Variants in SYN2 observed in about 807,000 individuals in gnomAD.
SYN2 encodes synapsin II.
A neutral mutation model predicts 50.9 loss-of-function variants in SYN2; 19 were observed. The ratio of observed to expected loss-of-function variants is 0.37; its 90% CI spans 0.26 to 0.55. The LOEUF (loss-of-function observed/expected upper bound fraction) is 0.55. Among genes scored for constraint, SYN2 ranks in the 20% least tolerant of loss-of-function variants. The pLI is 0.81. For missense variants in SYN2, 587 were observed against 576.4 expected (o/e 1.02, Z -0.19); for synonymous variants, 255 against 224.9 (o/e 1.13, Z -1.20).
intron 1 of SYN2, among the ~76,000 whole-genome samples, chr3:12,114,893 C>T (rs988048181): frequency 2.6e-5 from 4 of 152,144 alleles, no homozygotes; most frequent in African/African-American, 9.7e-5. Flanking sequence ...AACATGAGAG[C>T]TTTCTATTAA....
intron 5 of SYN2, among the ~76,000 whole-genome samples, chr3:12,151,915 G>T (rs1697307795): frequency 6.6e-6 from 1 of 152,164 alleles, no homozygotes; most frequent in Admixed American, 6.5e-5. Context: ...AAGTCAGAAG[G>T]AGCAGAGAGA....
At chr3:12,176,633 C>T (rs1698075793) in intron 10 of SYN2, among the ~76,000 whole-genome samples, 1 of 152,214 alleles carries the variant, frequency 6.6e-6, no homozygotes, top group African/African-American at 2.4e-5. Context: ...CTGAGGGTCA[C>T]AGTATAACAA....
chr3:12,171,420 A>G (rs1574883629), intron 10 of SYN2, among the ~76,000 whole-genome samples: 1 of 152,172 alleles, frequency 6.6e-6, no homozygotes, highest in African/African-American at 2.4e-5. Flanking sequence ...CTGCTCTAGC[A>G]GAAGAGTGAC....
intron 1 of SYN2, among the ~76,000 whole-genome samples, chr3:12,006,821 A>G (rs1323995160): frequency 6.6e-6 from 1 of 152,252 alleles, no homozygotes; most frequent in Non-Finnish European, 1.5e-5. Flanking sequence ...TCAGGCAGTC[A>G]ACAAATGGAG....
At chr3:12,039,939 G>A (rs1454552228) in intron 1 of SYN2, among the ~76,000 whole-genome samples, 1 of 152,188 alleles carries the variant, frequency 6.6e-6, no homozygotes. Flanking sequence ...AAGTTGTACA[G>A]TGAGGTTCTG....
intron 5 of SYN2, among the ~76,000 whole-genome samples, chr3:12,160,764 C>T (rs1052722259): frequency 2.0e-5 from 3 of 152,254 alleles, no homozygotes; most frequent in South Asian, 2.1e-4. Flanking sequence ...TAGCCCAGTG[C>T]TCCTTCCACT....
intron 5 of SYN2, among the ~76,000 whole-genome samples, chr3:12,160,028 G>A (rs924235944): frequency 5.0e-5 from 6 of 119,920 alleles, no homozygotes; most frequent in Non-Finnish European, 9.7e-5. Flanking sequence ...GGGCGACAGA[G>A]TGAGACTCCG....
intron 10 of SYN2, 105 bp from the exon 11 acceptor site, chr3:12,183,207 G>C: frequency 6.9e-7 from 1 of 1,447,924 alleles, no homozygotes; most frequent in Non-Finnish European, 9.2e-7. Context: ...ATCCCACCAG[G>C]TCCCACCGGA....
chr3:12,107,486 T>C (rs1696218457), intron 1 of SYN2, among the ~76,000 whole-genome samples: 1 of 152,218 alleles, frequency 6.6e-6, no homozygotes, highest in South Asian at 2.1e-4. Context: ...TGTAATAATG[T>C]CACTGTAATC....
chr3:12,055,238 A>C (rs1485121597), intron 1 of SYN2, among the ~76,000 whole-genome samples: 2 of 152,150 alleles, frequency 1.3e-5, no homozygotes, highest in Non-Finnish European at 2.9e-5. Flanking sequence ...AATCTTAAAA[A>C]TTCCCCATGT....
intron 1 of SYN2, among the ~76,000 whole-genome samples, chr3:12,028,185 T>A (rs1694306383): frequency 6.6e-6 from 1 of 151,586 alleles, no homozygotes; most frequent in Admixed American, 6.6e-5. Flanking sequence ...TTCATCCATG[T>A]CCCTACAAAG....
chr3:12,158,811 G>A, intron 5 of SYN2: 1 of 1,598,956 alleles, frequency 6.3e-7, no homozygotes, highest in South Asian at 1.1e-5. Context: ...ACAGCACCCA[G>A]CTTGGCGCGG....
At chr3:12,028,627 T>TG (rs1694317645) in intron 1 of SYN2, among the ~76,000 whole-genome samples, 6 of 144,094 alleles carry the variant, frequency 4.2e-5, no homozygotes, top group Admixed American at 4.0e-4. Context: ...TGATGGCCAG[T>TG]GATGATAAGC....
chr3:12,161,601 T>C lies in SYN2; in HGVS notation c.830T>C (p.Met277Thr). The change falls in exon 6 of 13, where the codon ATG becomes ACG. Residue 277 changes from methionine (M) to threonine (T), a missense_variant. Physicochemically the swap from Met to Thr is moderately conservative, Grantham distance 81 (BLOSUM62 -1). Transcript: ENST00000621198. ...AAGATTGGCCACGCTCACTCAGGCA[T>C]GGGCAAGGTGAGGCAGAGAGGCCTG... Reference protein sequence around the residue: ...VVKIGHAHSGMGKVKVENHYD... With the variant: ...VVKIGHAHSGTGKVKVENHYD... 1 of 1,614,024 alleles carries C rather than the reference T, an allele frequency of 6.2e-7. No individual in the cohort carries two copies. The highest frequency in any genetic ancestry group is 1.3e-5 in the African/African-American group (1 of 75,064).
At chr3:12,016,762 A>T (rs932687026) in intron 1 of SYN2, among the ~76,000 whole-genome samples, 6 of 152,144 alleles carry the variant, frequency 3.9e-5, no homozygotes, top group Non-Finnish European at 8.8e-5. Context: ...AGGCTGAGGC[A>T]GGAGAATTGC....
chr3:12,183,869 C>T (rs923719342), intron 11 of SYN2: 36 of 1,020,118 alleles, frequency 3.5e-5, no homozygotes, highest in Middle Eastern at 4.8e-4. Flanking sequence ...TCAGTTAAAT[C>T]CCCCACCTCC....
chr3:12,124,234 G>A (rs1481866), intron 1 of SYN2, among the ~76,000 whole-genome samples: 12,007 of 151,954 alleles, frequency 0.079, 576 homozygotes, highest in African/African-American at 0.13. Context: ...AAAAACTGAC[G>A]AATTCAGGGA....
intron 1 of SYN2, among the ~76,000 whole-genome samples, chr3:12,045,108 T>A (rs1694706139): frequency 6.6e-6 from 1 of 152,194 alleles, no homozygotes; most frequent in Non-Finnish European, 1.5e-5. Context: ...TCTAGTAATC[T>A]AGTTAAGTTC....
intron 5 of SYN2, among the ~76,000 whole-genome samples, chr3:12,157,182 C>G (rs1344056577): frequency 6.6e-6 from 1 of 152,184 alleles, no homozygotes; most frequent in Non-Finnish European, 1.5e-5. Context: ...AGCTGTGGGA[C>G]CAGATGGATG....
Sources: gnomAD v4.1 joint callset for allele counts (sites outside exome capture counted in the v4.1 genomes callset) on GRCh38, gnomAD v4.1.1 for gene constraint, MANE v1.5 for transcripts, NCBI Gene and HGNC (gene_info 2026-07-23, HGNC 2026-07-21) for gene names.